KLHL1: variants seen among roughly 807,000 people sequenced by gnomAD.
KLHL1 encodes kelch like family member 1, also known as kelch-like protein 1.
Under a neutral mutation model 77.7 loss-of-function variants are expected in KLHL1, and 47 were observed. That is an observed-to-expected ratio of 0.60 (90% CI 0.48 to 0.77). The LOEUF is 0.77. Among genes scored for constraint, KLHL1 ranks in the 30% least tolerant of loss-of-function variants. The probability of loss-of-function intolerance (pLI) is 0.00; values close to 1 mark genes in which losing one functional copy is unlikely to be tolerated. For synonymous variants in KLHL1, 360 were observed against 325.2 expected (o/e 1.11, Z -1.15); for missense variants, 925 against 910.8 (o/e 1.02, Z -0.20).
intron 2 of KLHL1, among the ~76,000 whole-genome samples, chr13:69,963,702 C>T (rs186493782): frequency 1.7e-4 from 26 of 152,070 alleles, no homozygotes; most frequent in East Asian, 5.8e-4. Context: ...ACATAAAACA[C>T]CCCTTCTGCT....
chr13:69,908,055 T>G (rs777430468), intron 4 of KLHL1, among the ~76,000 whole-genome samples: 3 of 152,174 alleles, frequency 2.0e-5, no homozygotes, highest in South Asian at 2.1e-4. Context: ...TAGAATATAC[T>G]AAATATCAGT....
intron 4 of KLHL1, among the ~76,000 whole-genome samples, chr13:69,909,314 G>T (rs552580421): frequency 6.6e-6 from 1 of 151,550 alleles, no homozygotes; most frequent in Non-Finnish European, 1.5e-5. Flanking sequence ...TATGCCAAAG[G>T]GATCTACATT....
Position 69,874,854 on chromosome 13 carries a change from GC to G in KLHL1, c.1227+7428del, listed in dbSNP as rs1182554714. ...GTAGCTTTGGGGTAAATGATGTAGG[GC>G]TTTGTAGGATAGGGATATTAAGGTT... is the stretch of plus-strand genomic sequence containing the variant. On this transcript the variant is annotated intron_variant, in intron 5 of 10. Coordinates refer to ENST00000377844, the MANE Select transcript of KLHL1 (RefSeq NM_020866.3). Among the ~76,000 whole-genome samples, 7 of 152,172 alleles carry G rather than the reference GC, an allele frequency of 4.6e-5. No homozygotes were observed. In the East Asian group the frequency reaches 1.4e-3, roughly 29 times the overall value.
At chr13:70,071,535 C>G (rs887702505) in intron 1 of KLHL1, among the ~76,000 whole-genome samples, 2 of 151,976 alleles carry the variant, frequency 1.3e-5, no homozygotes, top group Non-Finnish European at 2.9e-5. Flanking sequence ...TCTTCTCAAG[C>G]TCACATGAAA....
intron 1 of KLHL1, among the ~76,000 whole-genome samples, chr13:69,978,169 A>G (rs1252743840): frequency 6.6e-6 from 1 of 152,072 alleles, no homozygotes. Context: ...CTGTTAACGC[A>G]TTGAATAGAA....
At chr13:69,914,163 GT>G (rs1157928480) in intron 4 of KLHL1, among the ~76,000 whole-genome samples, 1 of 152,062 alleles carries the variant, frequency 6.6e-6, no homozygotes, top group African/African-American at 2.4e-5. Flanking sequence ...ACCTCACCTT[GT>G]GATCCTGTGA....
intron 7 of KLHL1, among the ~76,000 whole-genome samples, chr13:69,780,224 A>C (rs1054231175): frequency 2.0e-5 from 3 of 152,024 alleles, no homozygotes; most frequent in Non-Finnish European, 4.4e-5. Flanking sequence ...GAGAGACTTA[A>C]CTTTTTATTT....
chr13:69,789,861 A>G (rs895279971), intron 7 of KLHL1, among the ~76,000 whole-genome samples: 2 of 152,068 alleles, frequency 1.3e-5, no homozygotes, highest in African/African-American at 4.8e-5. Flanking sequence ...TTGCATTGTC[A>G]AAGGTTGAAG....
chr13:69,810,883 A>C (rs1468891872), intron 6 of KLHL1, among the ~76,000 whole-genome samples: 1 of 152,100 alleles, frequency 6.6e-6, no homozygotes, highest in Admixed American at 6.6e-5. Flanking sequence ...TGTAAGAAAC[A>C]GATAAATTCA....
rs1018970464 is a variant in KLHL1 at position 69,728,807 on chromosome 13, CA to C, written c.1803-9227del. On this transcript the variant is annotated intron_variant, in intron 8 of 10. Coordinates refer to ENST00000377844, the MANE Select transcript of KLHL1 (RefSeq NM_020866.3). ...TGGGTGACAGAGCGAGACTCCATCT[CA>C]AAAAAAAAATTATTAACATGAAGAT... is the stretch of plus-strand genomic sequence containing the variant. 8.2e-5 allele frequency among the ~76,000 whole-genome samples: 12 copies of C among 147,150 alleles called. No individual in the cohort carries two copies. The South Asian group carries it at 8.6e-4, about 11-fold the overall frequency.
intron 4 of KLHL1, among the ~76,000 whole-genome samples, chr13:69,921,003 A>C (rs1220550255): frequency 1.3e-5 from 2 of 152,148 alleles, no homozygotes; most frequent in Non-Finnish European, 2.9e-5. Context: ...TTGTTTTAGC[A>C]CCAACTTGGC....
chr13:69,876,378 T>C (rs1419416634), intron 5 of KLHL1, among the ~76,000 whole-genome samples: 1 of 152,238 alleles, frequency 6.6e-6, no homozygotes, highest in Non-Finnish European at 1.5e-5. Context: ...GTTGGAGACC[T>C]CACCCTTCCT....
At chr13:69,715,590 G>A (rs535506174) in intron 9 of KLHL1, among the ~76,000 whole-genome samples, 139 of 151,302 alleles carry the variant, frequency 9.2e-4, no homozygotes, top group Middle Eastern at 6.8e-3. Context: ...GCGCGATCTC[G>A]GCTCACTCTA....
intron 4 of KLHL1, among the ~76,000 whole-genome samples, chr13:69,883,621 T>G (rs931704224): frequency 6.6e-6 from 1 of 152,192 alleles, no homozygotes; most frequent in Non-Finnish European, 1.5e-5. Context: ...TATATAACCT[T>G]GTATATCTAG....
chr13:70,029,085 C>T (rs2137363176), intron 1 of KLHL1, among the ~76,000 whole-genome samples: 1 of 151,902 alleles, frequency 6.6e-6, no homozygotes, highest in Non-Finnish European at 1.5e-5. Flanking sequence ...CTGTTTATTG[C>T]AATTATTTTC....
chr13:69,991,877 A>G (rs1885037754), intron 1 of KLHL1, among the ~76,000 whole-genome samples: 3 of 152,078 alleles, frequency 2.0e-5, no homozygotes, highest in Admixed American at 6.6e-5. Flanking sequence ...GGCATTTTAT[A>G]TATGAATTAT....
chr13:69,891,933 CA>C (rs1263426183), intron 4 of KLHL1, among the ~76,000 whole-genome samples: 1 of 151,844 alleles, frequency 6.6e-6, no homozygotes. Flanking sequence ...GTCAGCTAAA[CA>C]ATACTACTTC....
chr13:70,083,589 A>G (rs1887445926), intron 1 of KLHL1, among the ~76,000 whole-genome samples: 1 of 152,220 alleles, frequency 6.6e-6, no homozygotes, highest in Non-Finnish European at 1.5e-5. Flanking sequence ...CTACAAAAAG[A>G]TATCAAACAG....
intron 4 of KLHL1, among the ~76,000 whole-genome samples, chr13:69,921,078 C>T (rs770825479): frequency 6.6e-6 from 1 of 152,104 alleles, no homozygotes; most frequent in Non-Finnish European, 1.5e-5. Flanking sequence ...TAACAAGGGA[C>T]AACTATTTTT....
Sources: gnomAD v4.1 joint callset for allele counts (sites outside exome capture counted in the v4.1 genomes callset) on GRCh38, gnomAD v4.1.1 for gene constraint, MANE v1.5 for transcripts, NCBI Gene and HGNC (gene_info 2026-07-23, HGNC 2026-07-21) for gene names.